Variants in GRM7 observed in about 807,000 individuals in gnomAD.
The protein encoded by GRM7 is metabotropic glutamate receptor 7.
Under a neutral mutation model 84.5 loss-of-function variants are expected in GRM7, and 35 were observed. The observed-to-expected ratio is 0.41, with a 90% CI of 0.32 to 0.55. The LOEUF (loss-of-function observed/expected upper bound fraction) is 0.55. GRM7 is among the 20% of genes least tolerant of loss of function. The pLI is 0.19. For synonymous variants in GRM7, 487 were observed against 455.1 expected, an observed-to-expected ratio of 1.07 and a Z score of -0.89; for missense variants, 1,003 against 1,194.6, an observed-to-expected ratio of 0.84 and a Z score of 2.36.
At chr3:6,894,036 G>T (rs892296922) in intron 1 of GRM7, 7 of 152,184 alleles carry the variant, frequency 4.6e-5, no homozygotes, top group Admixed American at 3.9e-4. Context: ...GAGGGCAAAT[G>T]GAAAACTTTT....
In GRM7 at chr3:7,358,477, T is replaced by C. The variant is rs114561241; in HGVS notation, c.1033+51825T>C. 6.9e-3 allele frequency among the ~76,000 whole-genome samples: 1,032 copies of C among 148,670 alleles called. 126 individuals carry two copies. Among genetic ancestry groups the C allele is most frequent in the African/African-American group, 0.025 (976 of 39,346 alleles). The stretch of plus-strand genomic sequence containing the variant: ...TTCATGGAACCCTAATGTTAAAATG[T>C]CCTGCATTAAAAGTATCCCATGGCC... On this transcript the variant is annotated intron_variant, in intron 4 of 9. Coordinates refer to ENST00000357716, the MANE Select transcript of GRM7 (RefSeq NM_000844.4).
At chr3:7,507,430 T>C (rs1357453337) in intron 7 of GRM7, among the ~76,000 whole-genome samples, 1 of 152,208 alleles carries the variant, frequency 6.6e-6, no homozygotes, top group Non-Finnish European at 1.5e-5. Context: ...AGCTATAGCA[T>C]TTTGTAACTA....
intron 2 of GRM7, among the ~76,000 whole-genome samples, chr3:7,179,545 C>T (rs867701222): frequency 6.6e-6 from 1 of 152,148 alleles, no homozygotes. Context: ...CAGAAGGAGC[C>T]GCATATGCGT....
intron 8 of GRM7, among the ~76,000 whole-genome samples, chr3:7,674,888 C>T (rs532606581): frequency 6.6e-6 from 1 of 152,154 alleles, no homozygotes; most frequent in African/African-American, 2.4e-5. Context: ...AATAGGTAAA[C>T]CCATAAATGG....
intron 9 of GRM7, among the ~76,000 whole-genome samples, chr3:7,714,362 GTGCCAGTTATCTTCTAAAC>G (rs1701702950): frequency 6.6e-6 from 1 of 152,172 alleles, no homozygotes; most frequent in Admixed American, 6.5e-5. Context: ...CATGTGAAAA[GTGCCAGTTATCTTCTAAAC>G]TGTGTGTGTG....
chr3:7,097,701 C>T (rs528980649), intron 1 of GRM7, among the ~76,000 whole-genome samples: 39 of 152,182 alleles, frequency 2.6e-4, no homozygotes, highest in East Asian at 2.3e-3. Flanking sequence ...TATATACTCT[C>T]GACACTGCTA....
rs571495462 is a variant in GRM7, at chr3:7,303,965, C to T, written c.879-2533C>T. Among the ~76,000 whole-genome samples, 406 of 150,216 alleles carry T rather than the reference C, an allele frequency of 2.7e-3. 3 individuals are homozygous for T. The highest frequency in any genetic ancestry group is 8.8e-3 in the African/African-American group (361 of 41,034). On this transcript the variant is annotated intron_variant, in intron 3 of 9. Transcript: ENST00000357716. ...TTTTTAAGAGTAAATTAAGGGAAAACTTTTTCATGTGTTTTACATCTAAAA... is the reference window on the plus strand; with the variant it reads ...TTTTTAAGAGTAAATTAAGGGAAAATTTTTTCATGTGTTTTACATCTAAAA...
intron 5 of GRM7, among the ~76,000 whole-genome samples, chr3:7,429,931 T>G (rs1696761293): frequency 6.6e-6 from 1 of 152,146 alleles, no homozygotes; most frequent in South Asian, 2.1e-4. Flanking sequence ...AAAGAAAAAT[T>G]ATGCTCTAAC....
At chr3:7,098,268 C>T (rs1698925923) in intron 1 of GRM7, among the ~76,000 whole-genome samples, 1 of 151,984 alleles carries the variant, frequency 6.6e-6, no homozygotes, top group African/African-American at 2.4e-5. Context: ...ATCCAATACA[C>T]AGTTATTTGT....
intron 1 of GRM7, among the ~76,000 whole-genome samples, chr3:6,953,699 T>C (rs1488911650): frequency 6.6e-6 from 1 of 152,226 alleles, no homozygotes; most frequent in African/African-American, 2.4e-5. Flanking sequence ...TCTCAGGGAC[T>C]GTGGAGTCCA....
intron 1 of GRM7, among the ~76,000 whole-genome samples, chr3:6,940,243 C>A (rs1234592552): frequency 6.6e-6 from 1 of 152,068 alleles, no homozygotes; most frequent in Non-Finnish European, 1.5e-5. Flanking sequence ...AGGTGCGCAC[C>A]ACCATGCCCA....
chr3:7,217,578 TTG>T (rs1237909968), intron 2 of GRM7, among the ~76,000 whole-genome samples: 1 of 151,766 alleles, frequency 6.6e-6, no homozygotes, highest in African/African-American at 2.4e-5. Flanking sequence ...TCATGTTTTA[TTG>T]TGTTTTCCTC....
At chr3:7,171,285 C>T (rs1694974810) in intron 2 of GRM7, among the ~76,000 whole-genome samples, 1 of 151,988 alleles carries the variant, frequency 6.6e-6, no homozygotes, top group Non-Finnish European at 1.5e-5. Flanking sequence ...TGTTTGTGTC[C>T]AAATGTCCCC....
intron 8 of GRM7, among the ~76,000 whole-genome samples, chr3:7,640,332 G>C (rs573706981): frequency 6.6e-6 from 1 of 152,326 alleles, no homozygotes; most frequent in South Asian, 2.1e-4. Context: ...GATGCGAAGA[G>C]AAAGACAGTG....
intron 4 of GRM7, among the ~76,000 whole-genome samples, chr3:7,353,738 T>C (rs1047311584): frequency 2.0e-5 from 3 of 152,084 alleles, no homozygotes; most frequent in Admixed American, 6.5e-5. Context: ...GGAACCACAG[T>C]CACTCAATTG....
chr3:7,061,535 A>G (rs1697434223), intron 1 of GRM7, among the ~76,000 whole-genome samples: 1 of 151,766 alleles, frequency 6.6e-6, no homozygotes, highest in African/African-American at 2.4e-5. Context: ...AGATCTGGAA[A>G]TTGTGATAGG....
rs1694771712 is a variant in GRM7, at chr3:6,862,021, C to T, written c.519+114C>T. 1.2e-6 allele frequency: 1 copy of T among 821,500 alleles called. No individual in the cohort carries two copies. The highest frequency in any genetic ancestry group is 1.7e-5 in the African/African-American group (1 of 58,094). 50.9% of individuals were successfully genotyped at this position (821,500 alleles called of 1,614,324 possible). On this transcript the variant is annotated intron_variant, in intron 1 of 9. Transcript: ENST00000357716. This position sits in a 1 kb window ranked among gnomAD's most constrained non-coding sequence, Gnocchi z 5.2. ...TCAGGTCAGCCTTCGCTCATTTCCT[C>T]CCTGGAGATCCTGCCGAATCCCTCC...
intron 8 of GRM7, among the ~76,000 whole-genome samples, chr3:7,640,147 C>G (rs1220066692): frequency 6.6e-6 from 1 of 152,174 alleles, no homozygotes; most frequent in Non-Finnish European, 1.5e-5. Flanking sequence ...ATGCCCTACA[C>G]AGGGTTTTAC....
At chr3:7,060,205 T>C in intron 1 of GRM7, among the ~76,000 whole-genome samples, 1 of 151,838 alleles carries the variant, frequency 6.6e-6, no homozygotes, top group East Asian at 1.9e-4. Context: ...TCTCCTTCAG[T>C]GTATCCAGTC....
Sources: gnomAD v4.1 joint callset for allele counts (sites outside exome capture counted in the v4.1 genomes callset) on GRCh38, gnomAD v4.1.1 for gene constraint, Gnocchi (gnomAD v3.1) non-coding constraint, MANE v1.5 for transcripts, NCBI Gene and HGNC (gene_info 2026-07-23, HGNC 2026-07-21) for gene names.